WWOX: variants seen among roughly 807,000 people sequenced by gnomAD.
WWOX encodes the protein WW domain-containing oxidoreductase.
WWOX carries 69 observed loss-of-function variants against 46.2 expected under a neutral mutation model. The ratio of observed to expected loss-of-function variants is 1.49; its 90% CI spans 1.23 to 1.82. WWOX has a LOEUF of 1.82. Ranked by LOEUF, WWOX falls within the 40% of genes most tolerant of loss-of-function variation. The pLI, the probability that WWOX is intolerant of heterozygous loss-of-function variation, is 0.00. For missense variants in WWOX, 919 were observed against 542.6 expected (o/e 1.69, Z -6.89); for synonymous variants, 359 against 202.6 (o/e 1.77, Z -6.56).
chr16:78,753,822 AAAAATATATATAT>A (rs1273190716), intron 8 of WWOX, among the ~76,000 whole-genome samples: 1 of 70,294 alleles, frequency 1.4e-5, no homozygotes, highest in African/African-American at 5.6e-5. Context: ...AAAAAAAAAA[AAAAATATATATAT>A]ATATATATAT....
intron 8 of WWOX, among the ~76,000 whole-genome samples, chr16:78,436,348 C>T (rs2083335518): frequency 6.6e-6 from 1 of 152,186 alleles, no homozygotes; most frequent in Admixed American, 6.5e-5. Flanking sequence ...CAGTGATCTC[C>T]AACCTGCACG....
chr16:78,296,530 T>A (rs2151864002), intron 5 of WWOX, among the ~76,000 whole-genome samples: 1 of 150,922 alleles, frequency 6.6e-6, no homozygotes, highest in Admixed American at 6.6e-5. Context: ...TTATTATTAT[T>A]TTCATTTTCT....
intron 5 of WWOX, among the ~76,000 whole-genome samples, chr16:78,288,794 C>T (rs1182725542): frequency 6.6e-6 from 1 of 152,084 alleles, no homozygotes; most frequent in East Asian, 1.9e-4. Context: ...CATCATTGCT[C>T]AGATAGAGTC....
In WWOX at chr16:78,538,240, A is replaced by T. The variant is rs1001396158; in HGVS notation, c.1056+105488A>T. Among the ~76,000 whole-genome samples, 423 of 151,236 alleles carry T rather than the reference A, an allele frequency of 2.8e-3. 4 individuals carry two copies. The highest frequency in any genetic ancestry group is 9.7e-3 in the African/African-American group (399 of 41,096). On this transcript the variant is annotated intron_variant, in intron 8 of 8. Coordinates refer to ENST00000566780, the MANE Select transcript of WWOX (RefSeq NM_016373.4). ...CACCAAAAAAAAAAAAAAAAAAAAA[A>T]AAAAAAGCGGGGCAAGGGGTTGGAG...
At chr16:78,214,834 A>C (rs1376797770) in intron 5 of WWOX, among the ~76,000 whole-genome samples, 1 of 26,430 alleles carries the variant, frequency 3.8e-5, no homozygotes, top group Non-Finnish European at 6.4e-5. Context: ...AATATTACCA[A>C]AAAAAAAAAA....
chr16:78,869,808 A>G (rs2044088128), intron 8 of WWOX, among the ~76,000 whole-genome samples: 1 of 152,078 alleles, frequency 6.6e-6, no homozygotes, highest in Non-Finnish European at 1.5e-5. Context: ...CAGAGAGAAG[A>G]CTCAGCATTT....
At chr16:78,378,220 T>G (rs552483025) in intron 5 of WWOX, among the ~76,000 whole-genome samples, 3 of 152,296 alleles carry the variant, frequency 2.0e-5, no homozygotes, top group African/African-American at 7.2e-5. Context: ...AAAGTGTTTG[T>G]TTATTAAAAG....
intron 8 of WWOX, among the ~76,000 whole-genome samples, chr16:78,488,856 C>A (rs2084706796): frequency 6.6e-6 from 1 of 152,146 alleles, no homozygotes; most frequent in Non-Finnish European, 1.5e-5. Context: ...ATGCCCAATG[C>A]CTGTTTCTCA....
At chr16:79,145,422 G>T (rs189702606) in intron 8 of WWOX, among the ~76,000 whole-genome samples, 2 of 152,130 alleles carry the variant, frequency 1.3e-5, no homozygotes, top group East Asian at 1.9e-4. Context: ...GGCTGGTCTC[G>T]ATCTCCTAGG....
intron 8 of WWOX, among the ~76,000 whole-genome samples, chr16:78,453,570 A>G (rs1349616125): frequency 6.6e-6 from 1 of 152,196 alleles, no homozygotes; most frequent in African/African-American, 2.4e-5. Flanking sequence ...AGACAGGCAT[A>G]TGCAGTTAGA....
intron 8 of WWOX, among the ~76,000 whole-genome samples, chr16:78,465,410 G>A (rs1005305573): frequency 3.9e-5 from 6 of 152,148 alleles, no homozygotes; most frequent in Admixed American, 2.0e-4. Context: ...CAACTCCTAA[G>A]CTCAAGCAGT....
chr16:78,271,931 T>G (rs1390050605), intron 5 of WWOX, among the ~76,000 whole-genome samples: 1 of 152,152 alleles, frequency 6.6e-6, no homozygotes, highest in Non-Finnish European at 1.5e-5. Flanking sequence ...TAACAAGCAT[T>G]GTGTGCAGCC....
At chr16:78,111,971 A>T (rs2032516486) in intron 3 of WWOX, 1 of 154,234 alleles carries the variant, frequency 6.5e-6, no homozygotes, top group Non-Finnish European at 1.5e-5. Context: ...CTTGTCTTGT[A>T]TGCGATAAAT....
intron 8 of WWOX, among the ~76,000 whole-genome samples, chr16:79,105,184 C>T (rs1040635797): frequency 1.3e-5 from 2 of 152,100 alleles, no homozygotes; most frequent in Non-Finnish European, 2.9e-5. Context: ...ACCAGCACCC[C>T]GAGTGGTGAC....
chr16:79,212,038 C>G lies in WWOX; in HGVS notation c.*242C>G. On this transcript the variant is annotated 3_prime_UTR_variant, in exon 9 of 9. Transcript: ENST00000566780. ...GGTCTCTTTGCTTTCTGGTGGTGGC[C>G]TGTTTGAAAGTAAAAACCTGCTTGG... is the stretch of plus-strand genomic sequence containing the variant. 6.5e-7 allele frequency: 1 copy of G among 1,536,244 alleles called. No individual in the cohort carries two copies. The highest frequency in any genetic ancestry group is 8.7e-7 in the Non-Finnish European group (1 of 1,146,904).
intron 5 of WWOX, among the ~76,000 whole-genome samples, chr16:78,275,739 A>G (rs1022316289): frequency 2.6e-5 from 4 of 152,160 alleles, no homozygotes; most frequent in African/African-American, 9.7e-5. Context: ...CCATTTTTAA[A>G]TCTTCCTTTT....
intron 5 of WWOX, among the ~76,000 whole-genome samples, chr16:78,235,766 G>C (rs528916770): frequency 2.5e-4 from 38 of 152,294 alleles, no homozygotes; most frequent in African/African-American, 9.1e-4. Flanking sequence ...GTCCAGACTA[G>C]ATGGTCAAGG....
intron 5 of WWOX, among the ~76,000 whole-genome samples, chr16:78,199,745 C>A (rs1009173268): frequency 1.3e-5 from 2 of 152,108 alleles, no homozygotes; most frequent in Non-Finnish European, 2.9e-5. Context: ...TAAAAAAAAT[C>A]ACATTTGTGA....
At chr16:79,047,602 A>G (rs1369049723) in intron 8 of WWOX, among the ~76,000 whole-genome samples, 1 of 151,968 alleles carries the variant, frequency 6.6e-6, no homozygotes, top group East Asian at 1.9e-4. Flanking sequence ...TGTGGCATAA[A>G]ATAACACAAA....
Sources: gnomAD v4.1 joint callset for allele counts (sites outside exome capture counted in the v4.1 genomes callset) on GRCh38, gnomAD v4.1.1 for gene constraint, MANE v1.5 for transcripts, NCBI Gene and HGNC (gene_info 2026-07-23, HGNC 2026-07-21) for gene names.